MCTP2: variants seen among roughly 807,000 people sequenced by gnomAD.
MCTP2 encodes multiple C2 and transmembrane domain containing 2, also known as multiple C2 and transmembrane domain-containing protein 2.
MCTP2 carries 132 observed loss-of-function variants against 111.6 expected under a neutral mutation model. The observed-to-expected ratio is 1.18, with a 90% CI of 1.03 to 1.37. The LOEUF is 1.37. MCTP2 is among the 40% of genes most tolerant of loss of function. MCTP2 has a pLI of 0.00. For synonymous variants in MCTP2, 395 were observed against 387.7 expected, an observed-to-expected ratio of 1.02 and a Z score of -0.22; for missense variants, 1,183 against 1,067.9, an observed-to-expected ratio of 1.11 and a Z score of -1.50.
rs1013565945 is a variant in MCTP2, at chr15:94,483,429, A to G, written c.*4395A>G. On this transcript the variant is annotated 3_prime_UTR_variant, in exon 23 of 23. Transcript: ENST00000357742. ...ACATGTTCACTGCAACACTATTTAC[A>G]ATAGCAAAGACACTGGATCAGTCTA... 7 of 152,232 alleles carry G rather than the reference A, an allele frequency of 4.6e-5. No homozygotes were observed. The highest frequency in any genetic ancestry group is 1.7e-4 in the African/African-American group (7 of 41,450). The allele number at this position is 152,232 out of a possible 1,614,324, so 9.4% of individuals were successfully genotyped here.
intron 12 of MCTP2, among the ~76,000 whole-genome samples, chr15:94,382,119 T>A (rs2080172057): frequency 6.6e-6 from 1 of 152,140 alleles, no homozygotes; most frequent in Non-Finnish European, 1.5e-5. Context: ...CGGTCTTGAG[T>A]GAGGCAAAGA....
intron 14 of MCTP2, among the ~76,000 whole-genome samples, chr15:94,388,013 G>A (rs1048999046): frequency 2.6e-5 from 4 of 152,112 alleles, no homozygotes; most frequent in Non-Finnish European, 4.4e-5. Flanking sequence ...TGCCTGTGGC[G>A]AACAGGAAAG....
intron 10 of MCTP2, among the ~76,000 whole-genome samples, chr15:94,366,168 A>T (rs1459623078): frequency 6.6e-6 from 1 of 152,224 alleles, no homozygotes; most frequent in African/African-American, 2.4e-5. Flanking sequence ...AATGCAATTT[A>T]ACTTTAAAAG....
chr15:94,311,170 G>A (rs774224896), intron 2 of MCTP2, among the ~76,000 whole-genome samples: 6 of 151,628 alleles, frequency 4.0e-5, no homozygotes, highest in Non-Finnish European at 8.8e-5. Flanking sequence ...GATGACAGGT[G>A]CACGCCACCA....
rs1308288661 is a variant in MCTP2, at chr15:94,340,859, G to A, written c.904G>A (p.Asp302Asn). 1.9e-6 allele frequency: 3 copies of A among 1,613,234 alleles called. No homozygotes were observed. Among genetic ancestry groups the A allele is most frequent in the East Asian group, 2.2e-5 (1 of 44,802 alleles). The change falls in exon 7 of 23, where the codon GAT (aspartate) becomes AAT (asparagine). Residue 302 changes from aspartate to asparagine, a missense_variant. Coordinates refer to ENST00000357742, the MANE Select transcript of MCTP2 (RefSeq NM_001385001.1). ...LKLEDPNSLE[D>N]DMGVIVLNLN... The stretch of plus-strand genomic sequence containing the variant: ...ACTGGAAGATCCAAACAGTTTAGAA[G>A]ATGACATGGGAGTGATCGTGTTAAA...
chr15:94,423,927 C>T lies in MCTP2; in HGVS notation c.2086-16249C>T, dbSNP rs973352734. 2.0e-5 allele frequency among the ~76,000 whole-genome samples: 3 copies of T among 152,326 alleles called. No homozygotes were observed. In the East Asian group the frequency reaches 5.8e-4, roughly 29 times the overall value. ...ATAAGGTGAAACATCTGTGTACCTA[C>T]TGCCCCACTTACAAACTGAACATTT... On this transcript the variant is annotated intron_variant, in intron 17 of 22. Coordinates refer to ENST00000357742, the MANE Select transcript of MCTP2 (RefSeq NM_001385001.1).
chr15:94,308,828 G>A (rs2076002631), intron 2 of MCTP2, among the ~76,000 whole-genome samples: 1 of 152,164 alleles, frequency 6.6e-6, no homozygotes, highest in African/African-American at 2.4e-5. Context: ...AGACAGCGGT[G>A]TATTTCAATC....
chr15:94,243,577 G>A (rs563967663), intron 1 of MCTP2, among the ~76,000 whole-genome samples: 12 of 149,088 alleles, frequency 8.0e-5, no homozygotes, highest in African/African-American at 2.5e-4. Flanking sequence ...ACATACATAC[G>A]TATGCGTATA....
At chr15:94,471,043 G>A (rs374869428) in intron 21 of MCTP2, among the ~76,000 whole-genome samples, 2 of 152,116 alleles carry the variant, frequency 1.3e-5, no homozygotes, top group Admixed American at 1.3e-4. Context: ...AAACAAAACT[G>A]GCAAACTGGA....
At chr15:94,472,102 G>GT (rs1197222864) in intron 21 of MCTP2, among the ~76,000 whole-genome samples, 1 of 152,248 alleles carries the variant, frequency 6.6e-6, no homozygotes, top group Non-Finnish European at 1.5e-5. Context: ...TACTGGCTGG[G>GT]TGCAGTGGCT....
At chr15:94,471,291 G>A (rs1016963894) in intron 21 of MCTP2, among the ~76,000 whole-genome samples, 3 of 152,306 alleles carry the variant, frequency 2.0e-5, no homozygotes, top group Non-Finnish European at 4.4e-5. Flanking sequence ...CACTTCCAGG[G>A]ATCTTCAGAT....
At chr15:94,326,695 G>A (rs1268294319) in intron 4 of MCTP2, among the ~76,000 whole-genome samples, 1 of 151,818 alleles carries the variant, frequency 6.6e-6, no homozygotes, top group African/African-American at 2.4e-5. Context: ...AGCCTCCTGA[G>A]TAGCTGGGAT....
intron 4 of MCTP2, among the ~76,000 whole-genome samples, chr15:94,325,847 G>A (rs58118465): frequency 0.095 from 9,390 of 98,512 alleles, 888 homozygotes; most frequent in African/African-American, 0.32. Context: ...TTGAGACGGA[G>A]TCTTGGTCTG....
chr15:94,410,826 C>T (rs942084983), intron 17 of MCTP2, among the ~76,000 whole-genome samples: 9 of 152,220 alleles, frequency 5.9e-5, no homozygotes, highest in African/African-American at 9.6e-5. Flanking sequence ...TCTTTTTATT[C>T]GTACACCTCC....
chr15:94,240,941 A>C (rs1489454301), intron 1 of MCTP2, among the ~76,000 whole-genome samples: 1 of 152,178 alleles, frequency 6.6e-6, no homozygotes, highest in African/African-American at 2.4e-5. Context: ...GGTGCTATTG[A>C]TTAGATCAAG....
intron 1 of MCTP2, among the ~76,000 whole-genome samples, chr15:94,297,326 C>G (rs534673481): frequency 6.6e-6 from 1 of 152,180 alleles, no homozygotes; most frequent in African/African-American, 2.4e-5. Flanking sequence ...GTGAAGCATC[C>G]TTATCCCTCA....
intron 19 of MCTP2, among the ~76,000 whole-genome samples, chr15:94,444,021 A>ACT (rs2083978920): frequency 6.9e-6 from 1 of 144,764 alleles, no homozygotes; most frequent in Non-Finnish European, 1.5e-5. Context: ...AGTATTAGTG[A>ACT]AATTATTTTA....
chr15:94,476,162 T>C (rs1226563590), intron 21 of MCTP2, among the ~76,000 whole-genome samples: 2 of 152,168 alleles, frequency 1.3e-5, no homozygotes, highest in Non-Finnish European at 2.9e-5. Flanking sequence ...GACTGCGGTT[T>C]TCTTTGTAAC....
chr15:94,390,373 AGT>A (rs1242406855), intron 14 of MCTP2, among the ~76,000 whole-genome samples: 2 of 152,142 alleles, frequency 1.3e-5, no homozygotes, highest in Non-Finnish European at 2.9e-5. Flanking sequence ...TAACACAATA[AGT>A]GTGCATTGGA....
Sources: gnomAD v4.1 joint callset for allele counts (sites outside exome capture counted in the v4.1 genomes callset) on GRCh38, gnomAD v4.1.1 for gene constraint, MANE v1.5 for transcripts, NCBI Gene and HGNC (gene_info 2026-07-23, HGNC 2026-07-21) for gene names.